TOPBP1: variants seen among roughly 807,000 people sequenced by gnomAD.
TOPBP1 encodes the protein DNA topoisomerase II binding protein 1, also known as DNA topoisomerase 2-binding protein 1.
TOPBP1 carries 28 observed loss-of-function variants against 167.7 expected under a neutral mutation model. That is an observed-to-expected ratio of 0.17 (90% CI 0.12 to 0.23). TOPBP1 has a LOEUF of 0.23. Among genes scored for constraint, TOPBP1 ranks in the 10% least tolerant of loss-of-function variants. The pLI, the probability that TOPBP1 is intolerant of heterozygous loss-of-function variation, is 1.00. For missense variants in TOPBP1, 1,554 were observed against 1,809.6 expected (o/e 0.86, Z 2.56); for synonymous variants, 598 against 611.4 (o/e 0.98, Z 0.32).
Position 133,617,818 on chromosome 3 carries a change from A to G in TOPBP1, c.3592+395T>C, listed in dbSNP as rs529253575. 2.0e-5 allele frequency among the ~76,000 whole-genome samples: 3 copies of G among 152,332 alleles called. No homozygotes were observed. In the South Asian group the frequency reaches 6.2e-4, roughly 32 times the overall value. ...AAAAAATAGGAGAATTCAGAAAGAA[A>G]CTCATACAATCCAAAGAACAAATGT... On this transcript the variant is annotated intron_variant, in intron 21 of 27. Coordinates refer to ENST00000260810, the MANE Select transcript of TOPBP1 (RefSeq NM_007027.4).
intron 13 of TOPBP1, among the ~76,000 whole-genome samples, chr3:133,638,519 T>C (rs998248268): frequency 4.6e-5 from 7 of 152,240 alleles, no homozygotes; most frequent in Non-Finnish European, 5.9e-5. Context: ...AATGTCTTTC[T>C]AGTCAATGAC....
chr3:133,611,564 C>G (rs1934677381), intron 24 of TOPBP1, among the ~76,000 whole-genome samples: 1 of 152,072 alleles, frequency 6.6e-6, no homozygotes, highest in Admixed American at 6.5e-5. Flanking sequence ...TTGAAACTTT[C>G]TAAGAAAATG....
intron 27 of TOPBP1, among the ~76,000 whole-genome samples, chr3:133,602,214 C>A (rs892072070): frequency 3.3e-5 from 5 of 152,128 alleles, no homozygotes; most frequent in Admixed American, 3.3e-4. Context: ...TCACTGATTT[C>A]TCAACAGAAA....
chr3:133,632,477 T>G (rs1935518906), intron 14 of TOPBP1, among the ~76,000 whole-genome samples: 1 of 152,198 alleles, frequency 6.6e-6, no homozygotes, highest in Non-Finnish European at 1.5e-5. Flanking sequence ...TGCAAACAGA[T>G]TAATACACCT....
At chr3:133,643,996 T>A (rs1276216819) in intron 11 of TOPBP1, 24 bp downstream of exon 11, 1 of 1,555,732 alleles carries the variant, frequency 6.4e-7, no homozygotes, top group East Asian at 2.3e-5. Flanking sequence ...CGATACTTTA[T>A]TTCAACCACT....
chr3:133,634,355 A>G (rs912444503), intron 14 of TOPBP1, among the ~76,000 whole-genome samples: 3 of 152,078 alleles, frequency 2.0e-5, no homozygotes, highest in Non-Finnish European at 4.4e-5. Context: ...CTAAAAATAC[A>G]AAAATTAGCC....
At chr3:133,614,021 G>T (rs574377372) in intron 23 of TOPBP1, among the ~76,000 whole-genome samples, 2 of 152,012 alleles carry the variant, frequency 1.3e-5, no homozygotes, top group Admixed American at 6.5e-5. Flanking sequence ...TTGAACTCCT[G>T]ACCTCATGAT....
chr3:133,630,376 G>A (rs1935429084), intron 14 of TOPBP1, among the ~76,000 whole-genome samples: 1 of 150,756 alleles, frequency 6.6e-6, no homozygotes, highest in Admixed American at 6.6e-5. Context: ...ATAGGTCACT[G>A]TAACTTCTAA....
chr3:133,604,753 T>C (rs1934434574), intron 27 of TOPBP1, among the ~76,000 whole-genome samples: 1 of 151,764 alleles, frequency 6.6e-6, no homozygotes, highest in Non-Finnish European at 1.5e-5. Context: ...ACCCCGTTTC[T>C]ACTAAAAATA....
chr3:133,603,783 C>CA (rs995452353), intron 27 of TOPBP1, among the ~76,000 whole-genome samples: 1 of 151,656 alleles, frequency 6.6e-6, no homozygotes, highest in African/African-American at 2.4e-5. Flanking sequence ...ACTAAACAAA[C>CA]AAAAAAACCC....
intron 13 of TOPBP1, among the ~76,000 whole-genome samples, chr3:133,639,353 T>C (rs1365244895): frequency 1.3e-5 from 2 of 151,788 alleles, no homozygotes; most frequent in African/African-American, 2.4e-5. Context: ...GAGGAAACTA[T>C]CACAAGGACA....
At chr3:133,642,046 G>C (rs1392277678) in intron 12 of TOPBP1, among the ~76,000 whole-genome samples, 3 of 152,084 alleles carry the variant, frequency 2.0e-5, no homozygotes, top group Non-Finnish European at 2.9e-5. Flanking sequence ...CTGGAGTATA[G>C]TTGTGTGATC....
At chr3:133,645,945 A>T (rs1044811048) in intron 10 of TOPBP1, among the ~76,000 whole-genome samples, 3 of 152,054 alleles carry the variant, frequency 2.0e-5, no homozygotes, top group African/African-American at 4.8e-5. Flanking sequence ...TCAGGAGTTC[A>T]AGAGCAGCCT....
Position 133,618,358 on chromosome 3 carries a change from T to C in TOPBP1, c.3447A>G (p.Thr1149=). 15 of 1,613,982 alleles carry C rather than the reference T, an allele frequency of 9.3e-6. No homozygotes were observed. Among genetic ancestry groups the C allele is most frequent in the Non-Finnish European group, 1.2e-5 (14 of 1,179,854 alleles). ...QNEQIIWDDP[T]AREERARLAS... ...CAAGCCTTGCTCTCTCCTCCCTTGC[T>C]GTAGGGTCATCCCAAATGATCTGTT... is the stretch of plus-strand genomic sequence containing the variant. The change falls in exon 21 of 28, where the codon ACA becomes ACG. Residue 1149 remains threonine, a synonymous_variant. Transcript: ENST00000260810.
chr3:133,640,688 C>T (rs1178671282), intron 12 of TOPBP1, among the ~76,000 whole-genome samples: 3 of 152,086 alleles, frequency 2.0e-5, no homozygotes, highest in Non-Finnish European at 4.4e-5. Context: ...GGATTACAGG[C>T]GTGAACCACC....
At position 133,649,408 on chromosome 3, in the gene TOPBP1, T is replaced by A. The variant is rs759294823; in HGVS notation, c.1479A>T (p.Gln493His). The change falls in exon 10 of 28, where the codon CAA becomes CAT. Residue 493 changes from glutamine (Q) to histidine (H), a missense_variant. Coordinates refer to ENST00000260810, the MANE Select transcript of TOPBP1 (RefSeq NM_007027.4). The stretch of plus-strand genomic sequence containing the variant: ...CTACTGTGGAGCTACCATTTTCATA[T>A]TGAGAGAGCAGATCTTCATCAGCTT... ...HEQADEDLLS[Q>H]YENGSSTVVE... 1.2e-6 allele frequency: 2 copies of A among 1,613,572 alleles called. No individual in the cohort carries two copies. Among genetic ancestry groups the A allele is most frequent in the Admixed American group, 3.3e-5 (2 of 59,986 alleles).
chr3:133,605,864 A>C (rs1172540324), intron 27 of TOPBP1, among the ~76,000 whole-genome samples: 1 of 152,196 alleles, frequency 6.6e-6, no homozygotes, highest in South Asian at 2.1e-4. Context: ...CTAAGGTACT[A>C]ATTGTACTAA....
Position 133,639,972 on chromosome 3 carries a change from A to G in TOPBP1, c.2220T>C (p.Asn740=). Residue 740 remains asparagine (N), a synonymous_variant, in exon 13 of 28, where the codon AAT becomes AAC. Transcript: ENST00000260810. The part of the protein sequence containing the change: ...RADESHFLIE[N]STKEERSLET... Reference sequence around the variant, plus strand: ...AAAAGTATTAACCTTCTTTAGTTGAATTTTCAATCAGAAAATGGCTTTCGT... The same window carrying G: ...AAAAGTATTAACCTTCTTTAGTTGAGTTTTCAATCAGAAAATGGCTTTCGT... The G allele has an allele frequency of 2.5e-6, 4 of 1,613,676 alleles. No homozygotes were observed. The highest frequency in any genetic ancestry group is 3.4e-6 in the Non-Finnish European group (4 of 1,179,788).
intron 16 of TOPBP1, 47 bp from the exon 17 acceptor site, chr3:133,624,222 C>T: frequency 6.3e-7 from 1 of 1,593,274 alleles, no homozygotes; most frequent in Non-Finnish European, 8.6e-7. Flanking sequence ...GAAACATCCT[C>T]ATTAGTTTAA....
Sources: gnomAD v4.1 joint callset for allele counts (sites outside exome capture counted in the v4.1 genomes callset) on GRCh38, gnomAD v4.1.1 for gene constraint, MANE v1.5 for transcripts, NCBI Gene and HGNC (gene_info 2026-07-23, HGNC 2026-07-21) for gene names.